The following ZEB1 variants were observed in gnomAD, a reference collection of about 807,000 sequenced individuals.
The protein encoded by ZEB1 is zinc finger E-box binding homeobox 1.
A neutral mutation model predicts 84.9 loss-of-function variants in ZEB1; 21 were observed. The observed-to-expected ratio is 0.25, with a 90% confidence interval of 0.18 to 0.36. ZEB1 has a LOEUF of 0.36. Ranked by LOEUF, ZEB1 falls within the 10% of genes least tolerant of loss-of-function variation. ZEB1 has a pLI of 1.00. For synonymous variants in ZEB1, 420 were observed against 471.1 expected (o/e 0.89, Z 1.41); for missense variants, 1,104 against 1,330.2 (o/e 0.83, Z 2.65).
chr10:31,448,639 C>T (rs1022884188), intron 1 of ZEB1, among the ~76,000 whole-genome samples: 2 of 151,882 alleles, frequency 1.3e-5, no homozygotes, highest in African/African-American at 4.8e-5. Context: ...ACAGACAGGA[C>T]CCTCAGCTGC....
intron 1 of ZEB1, among the ~76,000 whole-genome samples, chr10:31,457,050 TA>T (rs965917778): frequency 5.3e-5 from 8 of 151,982 alleles, no homozygotes; most frequent in African/African-American, 1.9e-4. Context: ...AAGTCATGTT[TA>T]AAGATTTTTA....
intron 1 of ZEB1, among the ~76,000 whole-genome samples, chr10:31,394,649 T>C (rs879257069): frequency 2.6e-5 from 4 of 152,242 alleles, no homozygotes; most frequent in Non-Finnish European, 4.4e-5. Flanking sequence ...CAATGTGTAT[T>C]CACTTGGGTG....
intron 1 of ZEB1, among the ~76,000 whole-genome samples, chr10:31,453,114 G>T (rs1318330332): frequency 6.6e-6 from 1 of 152,130 alleles, no homozygotes; most frequent in Non-Finnish European, 1.5e-5. Context: ...GCAAATGAGT[G>T]CATGCTTAGG....
intron 2 of ZEB1, among the ~76,000 whole-genome samples, chr10:31,477,435 G>A (rs1007545416): frequency 7.2e-5 from 11 of 151,898 alleles, no homozygotes; most frequent in African/African-American, 1.2e-4. Flanking sequence ...TGACCACAAT[G>A]CCCAAAGGAA....
At chr10:31,447,523 A>G (rs2059941345) in intron 1 of ZEB1, among the ~76,000 whole-genome samples, 1 of 132,518 alleles carries the variant, frequency 7.5e-6, no homozygotes, top group Non-Finnish European at 1.6e-5. Context: ...TGGTCTTTAC[A>G]TTTTGGCATG....
intron 1 of ZEB1, among the ~76,000 whole-genome samples, chr10:31,449,375 G>A (rs1201152386): frequency 6.6e-6 from 1 of 152,220 alleles, no homozygotes. Context: ...CCCGTCTTCT[G>A]CGTCGCTCAC....
intron 1 of ZEB1, among the ~76,000 whole-genome samples, chr10:31,348,071 C>T (rs940498209): frequency 1.3e-5 from 2 of 152,280 alleles, no homozygotes; most frequent in South Asian, 4.1e-4. Context: ...CACCATAACT[C>T]AGGTGAATTT....
chr10:31,353,666 A>G (rs1031814500), intron 1 of ZEB1, among the ~76,000 whole-genome samples: 1 of 152,264 alleles, frequency 6.6e-6, no homozygotes. Context: ...GATCATTTCT[A>G]AAGAAGGAAT....
At chr10:31,321,597 G>T in intron 1 of ZEB1, 1 of 1,613,032 alleles carries the variant, frequency 6.2e-7, no homozygotes, top group Non-Finnish European at 8.5e-7. Context: ...GCCAGAGAAA[G>T]GGGCTTTTCT....
At position 31,526,942 on chromosome 10, in the gene ZEB1, C is replaced by T. The variant is rs200238558; in HGVS notation, c.3056C>T (p.Ser1019Leu). ...CACGTGGGTGCCAGGGCGTCTCCCT[C>T]ACAGGGCGACTCGGACGAGAGAGAG... ...NEHVGARASP[S>L]QGDSDERESL... Residue 1019 changes from serine to leucine, a missense_variant, in exon 9 of 9, where the codon TCA (serine) becomes TTA (leucine). Around this residue, in one of 7 missense-constraint regions of ZEB1, gnomAD observed 173 missense variants for 167.0 expected, o/e 1.04. Transcript: ENST00000424869. 1.9e-6 allele frequency: 3 copies of T among 1,613,992 alleles called. No homozygotes were observed. The highest frequency in any genetic ancestry group is 3.3e-5 in the Admixed American group (2 of 59,994).
At chr10:31,482,097 AC>A (rs2138496399) in intron 2 of ZEB1, among the ~76,000 whole-genome samples, 1 of 152,218 alleles carries the variant, frequency 6.6e-6, no homozygotes, top group African/African-American at 2.4e-5. Context: ...GGAAAAATAA[AC>A]CTGGCAGGCA....
At chr10:31,430,661 G>A (rs2057601204) in intron 1 of ZEB1, among the ~76,000 whole-genome samples, 1 of 152,020 alleles carries the variant, frequency 6.6e-6, no homozygotes, top group Admixed American at 6.5e-5. Flanking sequence ...TTTAAGCTTA[G>A]CTTAAGATTA....
At chr10:31,492,059 C>T (rs528318907) in intron 2 of ZEB1, among the ~76,000 whole-genome samples, 11 of 151,924 alleles carry the variant, frequency 7.2e-5, no homozygotes, top group East Asian at 1.9e-4. Flanking sequence ...GCTGGCTCAG[C>T]GATGACTTAC....
chr10:31,453,555 T>C (rs1356452503), intron 1 of ZEB1, among the ~76,000 whole-genome samples: 1 of 152,214 alleles, frequency 6.6e-6, no homozygotes, highest in Non-Finnish European at 1.5e-5. Context: ...AGACTTTAAT[T>C]ACTATAGTTG....
intron 3 of ZEB1, among the ~76,000 whole-genome samples, chr10:31,497,924 AATAGATAGATAGATAGATAG>A (rs145458133): frequency 0.016 from 2,335 of 145,482 alleles, 55 homozygotes; most frequent in African/African-American, 0.055. Flanking sequence ...AGGATGGAAA[AATAGATAGATAGATAGATAG>A]ATAGATAGAT....
chr10:31,474,006 T>C (rs1482836967), intron 2 of ZEB1, among the ~76,000 whole-genome samples: 1 of 152,210 alleles, frequency 6.6e-6, no homozygotes, highest in Non-Finnish European at 1.5e-5. Context: ...CGGCTAGCCA[T>C]ATGTACAAAG....
intron 1 of ZEB1, among the ~76,000 whole-genome samples, chr10:31,445,202 T>C (rs1204639796): frequency 6.8e-6 from 1 of 146,728 alleles, no homozygotes; most frequent in Non-Finnish European, 1.5e-5. Flanking sequence ...TCACTCATGA[T>C]TTGGCTTTCT....
intron 1 of ZEB1, among the ~76,000 whole-genome samples, chr10:31,389,433 G>A (rs1291981842): frequency 3.3e-5 from 5 of 151,986 alleles, no homozygotes; most frequent in African/African-American, 1.2e-4. Context: ...TCTTTCATCG[G>A]TATCTGTATG....
At chr10:31,384,467 G>T (rs1485060072) in intron 1 of ZEB1, among the ~76,000 whole-genome samples, 1 of 152,192 alleles carries the variant, frequency 6.6e-6, no homozygotes, top group Non-Finnish European at 1.5e-5. Flanking sequence ...CAGTTGCCTG[G>T]AGAGTTTTAT....
Sources: gnomAD v4.1 joint callset for allele counts (sites outside exome capture counted in the v4.1 genomes callset) on GRCh38, gnomAD v4.1.1 for gene constraint, gnomAD v4.1.1 regional missense constraint, MANE v1.5 for transcripts, NCBI Gene and HGNC (gene_info 2026-07-23, HGNC 2026-07-21) for gene names.